The following SNX19 variants were observed in gnomAD, a reference collection of about 807,000 sequenced individuals.
The protein encoded by SNX19 is sorting nexin 19, also known as sorting nexin-19.
In SNX19, 60 loss-of-function variants were observed where a neutral mutation model predicts 85.2. The observed-to-expected ratio is 0.70, with a 90% CI of 0.57 to 0.87. The LOEUF (loss-of-function observed/expected upper bound fraction) is 0.87. SNX19 is among the 40% of genes least tolerant of loss of function. The pLI, the probability that SNX19 is intolerant of heterozygous loss-of-function variation, is 0.00. For synonymous variants in SNX19, 520 were observed against 470.0 expected (o/e 1.11, Z -1.38); for missense variants, 1,201 against 1,217.8 (o/e 0.99, Z 0.21).
intron 7 of SNX19, among the ~76,000 whole-genome samples, chr11:130,905,230 C>G (rs79018013): frequency 7.3e-4 from 111 of 152,102 alleles, no homozygotes; most frequent in African/African-American, 2.6e-3. Flanking sequence ...ATTGCTCTGC[C>G]TCCAATGCAT....
Position 130,873,445 on chromosome 11 carries a change from G to A in SNX19, c.*4977C>T, listed in dbSNP as rs1338121638. ...TGATCTTGTTCTGCTTTGTAAGGTAGAAGGGCAGTTTAGTATAGTGGATAT... is the reference window on the plus strand; with the variant it reads ...TGATCTTGTTCTGCTTTGTAAGGTAAAAGGGCAGTTTAGTATAGTGGATAT... On this transcript the variant is annotated 3_prime_UTR_variant, in exon 11 of 11. Transcript: ENST00000265909. 6.6e-6 allele frequency among the ~76,000 whole-genome samples: 1 copy of A among 152,164 alleles called. No homozygotes were observed. Among genetic ancestry groups the A allele is most frequent in the Non-Finnish European group, 1.5e-5 (1 of 68,040 alleles).
In SNX19 at chr11:130,879,194, G is replaced by A. The variant is rs1592272145; in HGVS notation, c.2846+430C>T. Reference sequence around the variant, plus strand: ...GACATGAATCACAGCTTTGCTATAAGGCCAGGGCTCATGGTGAACATCTTT... The same window carrying A: ...GACATGAATCACAGCTTTGCTATAAAGCCAGGGCTCATGGTGAACATCTTT... On this transcript the variant is annotated intron_variant, in intron 10 of 10. Coordinates refer to ENST00000265909, the MANE Select transcript of SNX19 (RefSeq NM_014758.3). Among the ~76,000 whole-genome samples, 3 of 152,320 alleles carry A rather than the reference G, an allele frequency of 2.0e-5. 1 individual carries two copies. Among genetic ancestry groups the A allele is most frequent in the Admixed American group, 2.0e-4 (3 of 15,310 alleles).
At chr11:130,892,296 G>A (rs1841754133) in intron 8 of SNX19, among the ~76,000 whole-genome samples, 2 of 151,946 alleles carry the variant, frequency 1.3e-5, no homozygotes, top group Non-Finnish European at 2.9e-5. Flanking sequence ...ACTGAAAAGC[G>A]ACAGACAGGT....
intron 8 of SNX19, chr11:130,894,801 A>T (rs756867543): frequency 5.2e-5 from 51 of 985,342 alleles, no homozygotes; most frequent in Non-Finnish European, 5.8e-5. Context: ...AATATTATTT[A>T]GCCTAAACCA....
At position 130,869,822 on chromosome 11, in the gene SNX19, T is replaced by C. The variant is rs1033749049; in HGVS notation, c.*8600A>G. The C allele has an allele frequency of 6.6e-6, 1 of 152,118 alleles. No individual in the cohort carries two copies. The highest frequency in any genetic ancestry group is 6.5e-5 in the Admixed American group (1 of 15,270). 9.4% of individuals were successfully genotyped at this position (152,118 alleles called of 1,614,324 possible). ...TTTAAGGTTCACATATAGCCTTAAG[T>C]TGATGTCCATATTGATTTAACTATC... On this transcript the variant is annotated 3_prime_UTR_variant, in exon 11 of 11. Transcript: ENST00000265909.
At chr11:130,900,838 A>C (rs1456393075) in intron 8 of SNX19, among the ~76,000 whole-genome samples, 1 of 152,226 alleles carries the variant, frequency 6.6e-6, no homozygotes, top group Non-Finnish European at 1.5e-5. Context: ...AAAGAAGAAG[A>C]GAAATGAAGG....
chr11:130,915,534 T>A lies in SNX19; in HGVS notation c.406A>T (p.Lys136Ter). 1 of 1,614,212 alleles carries A rather than the reference T, an allele frequency of 6.2e-7. No homozygotes were observed. The highest frequency in any genetic ancestry group is 2.2e-5 in the East Asian group (1 of 44,876). ...AFEEEMEAAM[K>*]GLVQELRRRM... Reference sequence around the variant, plus strand: ...CTCCGAAGCTCCTGGACCAACCCTTTCATGGCTGCCTCCATTTCTTCCTCA... The same window carrying A: ...CTCCGAAGCTCCTGGACCAACCCTTACATGGCTGCCTCCATTTCTTCCTCA... Residue 136 changes from lysine to a stop codon, truncating the protein, a stop_gained, in exon 1 of 11, where the codon AAA becomes TAA. Transcript: ENST00000265909. LOFTEE classifies it high-confidence loss of function.
At chr11:130,910,774 G>A (rs1183126251) in intron 2 of SNX19, among the ~76,000 whole-genome samples, 2 of 152,206 alleles carry the variant, frequency 1.3e-5, no homozygotes, top group Non-Finnish European at 2.9e-5. Flanking sequence ...GCTTGGCTCA[G>A]TATTAGCTAT....
intron 7 of SNX19, among the ~76,000 whole-genome samples, chr11:130,903,714 CAT>C (rs1218064524): frequency 4.3e-5 from 4 of 93,376 alleles, no homozygotes; most frequent in Non-Finnish European, 6.4e-5. Context: ...TATATATACA[CAT>C]ACACACACAC....
chr11:130,884,728 G>T (rs1943926632), intron 8 of SNX19, among the ~76,000 whole-genome samples: 1 of 151,722 alleles, frequency 6.6e-6, no homozygotes, highest in Non-Finnish European at 1.5e-5. Context: ...AAATTAGCTG[G>T]GCACGGTGGC....
At position 130,878,368 on chromosome 11, in the gene SNX19, T is replaced by C; in HGVS notation, c.*54A>G. On this transcript the variant is annotated 3_prime_UTR_variant, in exon 11 of 11. Transcript: ENST00000265909. Reference sequence around the variant, plus strand: ...GGGCACGGGCTTCCTGACTGGTCTCTGGTGGCCGAGTAACTCTACTTCCCT... The same window carrying C: ...GGGCACGGGCTTCCTGACTGGTCTCCGGTGGCCGAGTAACTCTACTTCCCT... 6.3e-7 allele frequency: 1 copy of C among 1,586,856 alleles called. No individual in the cohort carries two copies.
At chr11:130,907,932 G>C (rs775000601) in intron 5 of SNX19, 21 bp downstream of exon 5, 1 of 1,612,286 alleles carries the variant, frequency 6.2e-7, no homozygotes, top group South Asian at 1.1e-5. Context: ...AAAGGTCCCT[G>C]GGTAACTGAG....
At chr11:130,910,830 C>T (rs1374843030) in intron 2 of SNX19, among the ~76,000 whole-genome samples, 1 of 152,174 alleles carries the variant, frequency 6.6e-6, no homozygotes, top group African/African-American at 2.4e-5. Context: ...ACTTATTCAA[C>T]TATTTGGGTA....
intron 8 of SNX19, among the ~76,000 whole-genome samples, chr11:130,902,912 C>T (rs1430149226): frequency 6.6e-6 from 1 of 152,162 alleles, no homozygotes; most frequent in Non-Finnish European, 1.5e-5. Flanking sequence ...TCAGTTGAGA[C>T]AAATGTCCAC....
At chr11:130,886,050 C>T (rs918875915) in intron 8 of SNX19, among the ~76,000 whole-genome samples, 1 of 152,148 alleles carries the variant, frequency 6.6e-6, no homozygotes, top group Non-Finnish European at 1.5e-5. Context: ...CCAAACATTG[C>T]GGCATGTCCC....
Position 130,887,187 on chromosome 11 carries a change from A to AC in SNX19, c.2574-6382dup, listed in dbSNP as rs147154956. On this transcript the variant is annotated intron_variant, in intron 8 of 10. Coordinates refer to ENST00000265909, the MANE Select transcript of SNX19 (RefSeq NM_014758.3). The stretch of plus-strand genomic sequence containing the variant: ...TCCATACATTTATATCTAGCCACAA[A>AC]CAGTTTTTGTTTTTGATTAGTAATG... 9.0e-3 allele frequency among the ~76,000 whole-genome samples: 1,371 copies of AC among 152,308 alleles called. 18 individuals carry two copies. The highest frequency in any genetic ancestry group is 0.031 in the African/African-American group (1,299 of 41,552).
chr11:130,914,793 C>A lies in SNX19; in HGVS notation c.1147G>T (p.Glu383Ter). The stretch of plus-strand genomic sequence containing the variant: ...CCTGGAGTCATGAGCATGATGGTTT[C>A]TTTGCCCAGTTCAGACAGCGGAGAC... ...LESPLSELGK[E>*]TIMLMTPGSF... Residue 383 changes from glutamate to a stop codon, truncating the protein, a stop_gained, in exon 1 of 11, where the codon GAA (glutamate) becomes TAA (stop). Coordinates refer to ENST00000265909, the MANE Select transcript of SNX19 (RefSeq NM_014758.3). LOFTEE classifies it high-confidence loss of function. 6.2e-7 allele frequency: 1 copy of A among 1,614,240 alleles called. No homozygotes were observed.
At chr11:130,878,811 T>C (rs924041694) in intron 10 of SNX19, among the ~76,000 whole-genome samples, 2 of 152,232 alleles carry the variant, frequency 1.3e-5, no homozygotes, top group Admixed American at 6.5e-5. Context: ...CATAGTTACA[T>C]TAGCACTGCT....
rs536443019 is a variant in SNX19 at position 130,916,006 on chromosome 11, G to C, written c.-67C>G. The stretch of plus-strand genomic sequence containing the variant: ...AGATTTTACTTCAGAGTTAGGGAAG[G>C]GGGGCATGAACTGTGTCTCAGATAT... On this transcript the variant is annotated 5_prime_UTR_variant, in exon 1 of 11. Coordinates refer to ENST00000265909, the MANE Select transcript of SNX19 (RefSeq NM_014758.3). 2.1e-6 allele frequency: 3 copies of C among 1,422,114 alleles called. No homozygotes were observed. The highest frequency in any genetic ancestry group is 2.4e-5 in the East Asian group (1 of 40,960). 88.1% of individuals were successfully genotyped at this position (1,422,114 alleles called of 1,614,324 possible).
Sources: allele counts gnomAD v4.1 joint callset (sites outside exome capture counted in the v4.1 genomes callset), GRCh38; gene constraint gnomAD v4.1.1; transcripts MANE v1.5; gene names NCBI Gene and HGNC (gene_info 2026-07-23, HGNC 2026-07-21).